Variants in MECOM observed in about 807,000 individuals in gnomAD.
The protein encoded by MECOM is MDS1 and EVI1 complex locus.
In MECOM, 13 loss-of-function variants were observed where a neutral mutation model predicts 116.3. That is an observed-to-expected ratio of 0.11 (90% CI 0.07 to 0.18). The LOEUF is 0.18. Ranked by LOEUF, MECOM falls within the 10% of genes least tolerant of loss-of-function variation. The pLI is 1.00. For synonymous variants in MECOM, 528 were observed against 535.2 expected (o/e 0.99, Z 0.19); for missense variants, 1,299 against 1,509.0 (o/e 0.86, Z 2.31).
intron 1 of MECOM, among the ~76,000 whole-genome samples, chr3:169,393,826 T>G (rs1299590120): frequency 2.6e-5 from 4 of 152,140 alleles, no homozygotes; most frequent in Non-Finnish European, 5.9e-5. Flanking sequence ...TTGAAATAGA[T>G]ATTTCAATAG....
rs556915505 is a variant in MECOM at position 169,143,780 on chromosome 3, T to C, written c.428A>G (p.Asp143Gly). 10 of 1,611,950 alleles carry C rather than the reference T, an allele frequency of 6.2e-6. No homozygotes were observed. Among genetic ancestry groups the C allele is most frequent in the Non-Finnish European group, 7.6e-6 (9 of 1,178,964 alleles). Residue 143 changes from aspartate (D) to glycine (G), a missense_variant, in exon 3 of 17, where the codon GAT becomes GGT. Transcript: ENST00000651503. Reference sequence around the variant, plus strand: ...AATGTACTTGAGCCAGCTTCCAACATCTGGTTGACTGGCATCTATGCAGAA... The same window carrying C: ...AATGTACTTGAGCCAGCTTCCAACACCTGGTTGACTGGCATCTATGCAGAA... The part of the protein sequence containing the change: ...VKFCIDASQP[D>G]VGSWLKYIRF...
Position 169,440,214 on chromosome 3 carries a change from G to A in MECOM, c.38-58690C>T, listed in dbSNP as rs62294342. On this transcript the variant is annotated intron_variant, in intron 1 of 16. Transcript: ENST00000651503. Reference sequence around the variant, plus strand: ...ATCATATATGTTATGTTTTATATGTGTATATATATATTCTTTTCAATATAT... The same window carrying A: ...ATCATATATGTTATGTTTTATATGTATATATATATATTCTTTTCAATATAT... Among the ~76,000 whole-genome samples the A allele has an allele frequency of 5.7e-5, 7 of 121,930 alleles. No individual in the cohort carries two copies. In the East Asian group the frequency reaches 1.5e-3, roughly 26 times the overall value. The allele number at this position is 121,930 out of a possible 152,430, so 80.0% of individuals were successfully genotyped here.
chr3:169,267,528 C>T (rs909777184), intron 2 of MECOM, among the ~76,000 whole-genome samples: 2 of 152,146 alleles, frequency 1.3e-5, no homozygotes, highest in African/African-American at 4.8e-5. Flanking sequence ...AGAAAGGGAC[C>T]TGTGGGGCTG....
At chr3:169,174,448 G>A (rs1488700591) in intron 2 of MECOM, among the ~76,000 whole-genome samples, 7 of 152,088 alleles carry the variant, frequency 4.6e-5, no homozygotes, top group Non-Finnish European at 1.5e-5. Context: ...TACAAGGACA[G>A]GTAGAAAAAT....
intron 1 of MECOM, among the ~76,000 whole-genome samples, chr3:169,550,226 T>C (rs1034464781): frequency 6.6e-6 from 1 of 152,198 alleles, no homozygotes; most frequent in Admixed American, 6.5e-5. Context: ...AAATGCAAAG[T>C]TATGTCTACT....
chr3:169,637,019 C>T (rs1003854025), intron 1 of MECOM, among the ~76,000 whole-genome samples: 3 of 152,122 alleles, frequency 2.0e-5, no homozygotes, highest in African/African-American at 4.8e-5. Context: ...CCCTGGGACT[C>T]GCATTTGACC....
At chr3:169,356,504 C>T (rs939893670) in intron 2 of MECOM, among the ~76,000 whole-genome samples, 1 of 151,924 alleles carries the variant, frequency 6.6e-6, no homozygotes, top group Admixed American at 6.6e-5. Context: ...ATAACATCTG[C>T]ATTCACTCAG....
intron 1 of MECOM, among the ~76,000 whole-genome samples, chr3:169,650,008 C>T (rs965002394): frequency 6.6e-6 from 1 of 152,142 alleles, no homozygotes; most frequent in Non-Finnish European, 1.5e-5. Flanking sequence ...CTAATTTTTT[C>T]TGAATTTTTT....
rs550523564 is a variant in MECOM, at chr3:169,148,337, G to T, written c.376-4505C>A. Among the ~76,000 whole-genome samples the T allele has an allele frequency of 4.6e-5, 7 of 152,116 alleles. No homozygotes were observed. The East Asian group carries it at 1.4e-3, about 29-fold the overall frequency. ...ATCATAAATGCTGCTTTTAGTAATC[G>T]GTACTATCCTATGTTTAATAACTTT... On this transcript the variant is annotated intron_variant, in intron 2 of 16. Coordinates refer to ENST00000651503, the MANE Select transcript of MECOM (RefSeq NM_004991.4).
chr3:169,124,665 A>G (rs1450115591), intron 5 of MECOM, among the ~76,000 whole-genome samples: 1 of 152,120 alleles, frequency 6.6e-6, no homozygotes, highest in Non-Finnish European at 1.5e-5. Context: ...ACTGTCCAGA[A>G]TTTGTTTCAA....
At chr3:169,533,803 G>C (rs928466129) in intron 1 of MECOM, among the ~76,000 whole-genome samples, 3 of 151,914 alleles carry the variant, frequency 2.0e-5, no homozygotes, top group East Asian at 1.9e-4. Context: ...CTTACTGAAG[G>C]CTCCTCTCTC....
At chr3:169,327,956 T>C (rs535109567) in intron 2 of MECOM, among the ~76,000 whole-genome samples, 1 of 152,316 alleles carries the variant, frequency 6.6e-6, no homozygotes, top group Non-Finnish European at 1.5e-5. Context: ...ACATGAGAGA[T>C]AAGGTGATTT....
intron 2 of MECOM, among the ~76,000 whole-genome samples, chr3:169,278,881 T>TTCTGTC (rs1246623519): frequency 6.6e-6 from 1 of 152,212 alleles, no homozygotes; most frequent in Non-Finnish European, 1.5e-5. Context: ...GTCCAGTTTT[T>TTCTGTC]TCCAGAGGTG....
chr3:169,389,292 C>G (rs1023583308), intron 1 of MECOM, among the ~76,000 whole-genome samples: 1 of 152,152 alleles, frequency 6.6e-6, no homozygotes, highest in Non-Finnish European at 1.5e-5. Context: ...ACCAGTAAAG[C>G]CATTTGGTAT....
At chr3:169,204,078 C>A (rs1183444966) in intron 2 of MECOM, among the ~76,000 whole-genome samples, 1 of 152,128 alleles carries the variant, frequency 6.6e-6, no homozygotes, top group Admixed American at 6.5e-5. Context: ...AAGGCCAGTT[C>A]ATGCCACAGC....
intron 10 of MECOM, among the ~76,000 whole-genome samples, chr3:169,103,627 A>C (rs1724341576): frequency 6.6e-6 from 1 of 152,206 alleles, no homozygotes; most frequent in Admixed American, 6.6e-5. Flanking sequence ...TCCTTTTGCT[A>C]ATGAGACAGC....
chr3:169,545,461 T>A (rs890584290), intron 1 of MECOM, among the ~76,000 whole-genome samples: 3 of 152,150 alleles, frequency 2.0e-5, no homozygotes, highest in African/African-American at 4.8e-5. Context: ...CAAGCCCTTA[T>A]AAAGGACTGA....
rs762015793 is a variant in MECOM at position 169,100,851 on chromosome 3, T to C, written c.2849+34A>G. 3.9e-6 allele frequency: 5 copies of C among 1,269,530 alleles called. No individual in the cohort carries two copies. In the South Asian group the frequency reaches 6.4e-5, roughly 16 times the overall value. The allele number at this position is 1,269,530 out of a possible 1,614,324, so 78.6% of individuals were successfully genotyped here. ...AAATAAACTTTAATTATTACAATAT[T>C]TATCAAGATATTTAGCAAATATCAT... On this transcript the variant is annotated intron_variant, in intron 12 of 16. Coordinates refer to ENST00000651503, the MANE Select transcript of MECOM (RefSeq NM_004991.4).
At chr3:169,156,947 G>A (rs548605602) in intron 2 of MECOM, among the ~76,000 whole-genome samples, 1 of 152,034 alleles carries the variant, frequency 6.6e-6, no homozygotes, top group East Asian at 1.9e-4. Flanking sequence ...GTCTAACCAC[G>A]AAACTAACTG....
Sources: allele counts gnomAD v4.1 joint callset (sites outside exome capture counted in the v4.1 genomes callset), GRCh38; gene constraint gnomAD v4.1.1; transcripts MANE v1.5; gene names NCBI Gene and HGNC (gene_info 2026-07-23, HGNC 2026-07-21).